MYO5A: variants seen among roughly 807,000 people sequenced by gnomAD.
The protein encoded by MYO5A is myosin VA.
Under a neutral mutation model 249.7 loss-of-function variants are expected in MYO5A, and 98 were observed. That is an observed-to-expected ratio of 0.39 (90% CI 0.33 to 0.46). The LOEUF (loss-of-function observed/expected upper bound fraction) is 0.46, where lower values mean the gene tolerates loss of function less well. MYO5A is among the 20% of genes least tolerant of loss of function. The probability of loss-of-function intolerance (pLI) is 0.98; values close to 1 mark genes in which losing one functional copy is unlikely to be tolerated. For synonymous variants in MYO5A, 778 were observed against 810.6 expected, an observed-to-expected ratio of 0.96 and a Z score of 0.68; for missense variants, 1,696 against 2,308.8, an observed-to-expected ratio of 0.73 and a Z score of 5.44.
chr15:52,479,263 C>T (rs1341372931), intron 1 of MYO5A, among the ~76,000 whole-genome samples: 1 of 152,080 alleles, frequency 6.6e-6, no homozygotes, highest in Non-Finnish European at 1.5e-5. Context: ...CAGGAGTGAG[C>T]CACTGCGCCC....
At chr15:52,485,639 A>C (rs2076804711) in intron 1 of MYO5A, among the ~76,000 whole-genome samples, 1 of 152,222 alleles carries the variant, frequency 6.6e-6, no homozygotes, top group South Asian at 2.1e-4. Context: ...TATAGTTTCT[A>C]CTATGCTAAT....
intron 1 of MYO5A, among the ~76,000 whole-genome samples, chr15:52,472,149 G>A (rs1404902800): frequency 6.6e-6 from 1 of 151,586 alleles, no homozygotes; most frequent in Non-Finnish European, 1.5e-5. Flanking sequence ...CAGGATCTCG[G>A]CTCACTGCAA....
At chr15:52,462,552 A>G (rs545202835) in intron 1 of MYO5A, among the ~76,000 whole-genome samples, 3 of 152,234 alleles carry the variant, frequency 2.0e-5, no homozygotes, top group Non-Finnish European at 4.4e-5. Context: ...AAATAATTAG[A>G]TATTAAGGTT....
chr15:52,470,658 A>T (rs528178611), intron 1 of MYO5A, among the ~76,000 whole-genome samples: 24 of 152,084 alleles, frequency 1.6e-4, no homozygotes, highest in Non-Finnish European at 3.1e-4. Context: ...CCCCCCTCAA[A>T]AAAAGGCCAT....
chr15:52,381,825 G>A (rs1036075795), intron 16 of MYO5A, among the ~76,000 whole-genome samples: 2 of 151,666 alleles, frequency 1.3e-5, no homozygotes, highest in African/African-American at 4.8e-5. Context: ...ATGGAGGGAA[G>A]GGAAGGTGGT....
intron 1 of MYO5A, among the ~76,000 whole-genome samples, chr15:52,498,527 C>G (rs2077088477): frequency 1.3e-5 from 2 of 151,892 alleles, no homozygotes; most frequent in African/African-American, 4.8e-5. Context: ...AAAAAAAAAC[C>G]TCTTCATTTT....
At chr15:52,447,187 G>A (rs979629389) in intron 1 of MYO5A, among the ~76,000 whole-genome samples, 11 of 152,142 alleles carry the variant, frequency 7.2e-5, no homozygotes, top group Non-Finnish European at 1.5e-4. Flanking sequence ...GGTGGAAGGT[G>A]TTTGGATCAT....
intron 1 of MYO5A, among the ~76,000 whole-genome samples, chr15:52,524,566 T>TAAAA (rs1303360707): frequency 4.0e-5 from 6 of 149,284 alleles, no homozygotes; most frequent in Non-Finnish European, 5.9e-5. Context: ...AATAAATAAA[T>TAAAA]AAATAAATAA....
intron 40 of MYO5A, among the ~76,000 whole-genome samples, chr15:52,316,213 G>A (rs7167890): frequency 0.094 from 11,222 of 119,246 alleles, 1,538 homozygotes; most frequent in African/African-American, 0.32. Context: ...CAACCTGGGC[G>A]ACACAGCGAG....
chr15:52,385,501 C>T (rs1228655932), intron 14 of MYO5A, among the ~76,000 whole-genome samples: 2 of 152,066 alleles, frequency 1.3e-5, no homozygotes, highest in African/African-American at 2.4e-5. Flanking sequence ...GATGTGGCCA[C>T]AGAAGATTTC....
At chr15:52,493,230 C>T (rs1254593249) in intron 1 of MYO5A, among the ~76,000 whole-genome samples, 1 of 152,160 alleles carries the variant, frequency 6.6e-6, no homozygotes, top group Non-Finnish European at 1.5e-5. Context: ...AGCAAATGAT[C>T]TTAAATAATC....
intron 1 of MYO5A, among the ~76,000 whole-genome samples, chr15:52,522,946 C>T (rs2077652905): frequency 6.6e-6 from 1 of 151,600 alleles, no homozygotes; most frequent in Admixed American, 6.6e-5. Context: ...CTGGACAATA[C>T]ACAAAACTTT....
At chr15:52,327,224 C>G (rs1374146285) in intron 36 of MYO5A, among the ~76,000 whole-genome samples, 7 of 152,162 alleles carry the variant, frequency 4.6e-5, no homozygotes, top group Non-Finnish European at 1.0e-4. Context: ...TATATGAACT[C>G]TACTAAATAT....
intron 24 of MYO5A, among the ~76,000 whole-genome samples, chr15:52,362,319 G>A (rs1737181138): frequency 6.6e-6 from 1 of 152,194 alleles, no homozygotes; most frequent in Non-Finnish European, 1.5e-5. Flanking sequence ...GATTGAAGCA[G>A]TGAGAGTGTC....
At chr15:52,491,361 C>T (rs910327080) in intron 1 of MYO5A, among the ~76,000 whole-genome samples, 7 of 152,142 alleles carry the variant, frequency 4.6e-5, no homozygotes, top group African/African-American at 1.7e-4. Flanking sequence ...TGGGGGTCTA[C>T]AATTTTTAGT....
intron 1 of MYO5A, among the ~76,000 whole-genome samples, chr15:52,497,775 A>G (rs2077071244): frequency 6.6e-6 from 1 of 150,802 alleles, no homozygotes; most frequent in Non-Finnish European, 1.5e-5. Context: ...AAAAAAAAAA[A>G]AAGAAGCAGA....
intron 30 of MYO5A, among the ~76,000 whole-genome samples, chr15:52,343,480 G>T (rs1262667260): frequency 1.3e-5 from 2 of 152,150 alleles, no homozygotes; most frequent in South Asian, 4.1e-4. Flanking sequence ...TGAGAAAGAG[G>T]TTCTGTTTTT....
chr15:52,405,053 AC>A (rs1567094660), intron 9 of MYO5A, among the ~76,000 whole-genome samples: 1 of 14,622 alleles, frequency 6.8e-5, no homozygotes, highest in Non-Finnish European at 3.0e-4. Context: ...TCTCTCTGTC[AC>A]ACACACACAC....
At chr15:52,497,387 A>G (rs2077058688) in intron 1 of MYO5A, among the ~76,000 whole-genome samples, 1 of 151,994 alleles carries the variant, frequency 6.6e-6, no homozygotes, top group Admixed American at 6.6e-5. Context: ...CTAGAAGTTG[A>G]GAGCAGATGT....
Sources: gnomAD v4.1 joint callset for allele counts (sites outside exome capture counted in the v4.1 genomes callset) on GRCh38, gnomAD v4.1.1 for gene constraint, MANE v1.5 for transcripts, NCBI Gene and HGNC (gene_info 2026-07-23, HGNC 2026-07-21) for gene names.